The following RALYL variants were observed in gnomAD, a reference collection of about 807,000 sequenced individuals.
RALYL encodes the protein RNA-binding Raly-like protein.
In RALYL, 29 loss-of-function variants were observed where a neutral mutation model predicts 35.1. That is an observed-to-expected ratio of 0.83 (90% CI 0.61 to 1.13). RALYL has a LOEUF of 1.13. Ranked by LOEUF, RALYL falls within the 50% of genes most tolerant of loss-of-function variation. The pLI is 0.00. For missense variants in RALYL, 359 were observed against 360.4 expected (o/e 1.00, Z 0.03); for synonymous variants, 120 against 127.6 (o/e 0.94, Z 0.40).
intron 2 of RALYL, among the ~76,000 whole-genome samples, chr8:84,710,532 C>T (rs1211358611): frequency 6.7e-6 from 1 of 149,360 alleles, no homozygotes; most frequent in African/African-American, 2.6e-5. Context: ...GAACTCCTGA[C>T]CTCAGGTGAT....
chr8:84,742,666 GT>G (rs911979123), intron 2 of RALYL, among the ~76,000 whole-genome samples: 2 of 151,968 alleles, frequency 1.3e-5, no homozygotes, highest in Non-Finnish European at 2.9e-5. Flanking sequence ...TGATTTTAAT[GT>G]TTACCAAGCA....
chr8:84,668,922 AG>A (rs1247066715), intron 2 of RALYL, among the ~76,000 whole-genome samples: 2 of 152,104 alleles, frequency 1.3e-5, no homozygotes, highest in African/African-American at 4.8e-5. Flanking sequence ...TTGGCAGGAA[AG>A]CTATTGAGGT....
At chr8:84,211,986 A>C (rs1380735473) in intron 1 of RALYL, among the ~76,000 whole-genome samples, 2 of 152,198 alleles carry the variant, frequency 1.3e-5, no homozygotes, top group Non-Finnish European at 2.9e-5. Context: ...ATTGAGGCAT[A>C]AGGAAGGTAA....
intron 2 of RALYL, among the ~76,000 whole-genome samples, chr8:84,701,558 C>T (rs775205695): frequency 1.4e-4 from 21 of 152,076 alleles, no homozygotes; most frequent in Non-Finnish European, 2.1e-4. Context: ...GTCAATACTC[C>T]GAGTGAGCTA....
At chr8:84,678,867 G>A (rs1446373592) in intron 2 of RALYL, 1 of 182,128 alleles carries the variant, frequency 5.5e-6, no homozygotes, top group East Asian at 1.6e-4. Flanking sequence ...ACACTTTTGA[G>A]CTCTGAATGA....
rs143170112 is a variant in RALYL, at chr8:84,554,534, G to A, written c.256+24957G>A. Among the ~76,000 whole-genome samples the A allele has an allele frequency of 4.3e-4, 66 of 152,244 alleles. No homozygotes were observed. In the East Asian group the frequency reaches 6.0e-3, roughly 14 times the overall value. On this transcript the variant is annotated intron_variant, in intron 2 of 8. Coordinates refer to ENST00000521268, the MANE Select transcript of RALYL (RefSeq NM_173848.7). The stretch of plus-strand genomic sequence containing the variant: ...CCAAGTTATATTTGAATCACTGTAT[G>A]TTCATCACCAAATGTCAAAGAGATG...
intron 1 of RALYL, among the ~76,000 whole-genome samples, chr8:84,292,756 A>G (rs1839005564): frequency 1.3e-5 from 2 of 152,194 alleles, no homozygotes; most frequent in African/African-American, 4.8e-5. Flanking sequence ...GGAGACATGA[A>G]TAATCCTCCC....
At chr8:84,643,035 G>C (rs746760748) in intron 2 of RALYL, among the ~76,000 whole-genome samples, 3 of 151,908 alleles carry the variant, frequency 2.0e-5, no homozygotes, top group Non-Finnish European at 4.4e-5. Flanking sequence ...AGATAATCTG[G>C]AGAATGAAGT....
intron 1 of RALYL, among the ~76,000 whole-genome samples, chr8:84,329,812 A>G (rs1246891373): frequency 1.3e-5 from 2 of 152,108 alleles, no homozygotes; most frequent in South Asian, 4.1e-4. Context: ...CAGCCATACT[A>G]TAGAACTATT....
intron 2 of RALYL, among the ~76,000 whole-genome samples, chr8:84,543,167 G>A (rs1463682432): frequency 6.6e-6 from 1 of 151,730 alleles, no homozygotes; most frequent in Admixed American, 6.6e-5. Flanking sequence ...ATTTATTCCT[G>A]GTGACTGTGA....
chr8:84,572,641 T>G (rs989395162), intron 2 of RALYL, among the ~76,000 whole-genome samples: 16 of 151,996 alleles, frequency 1.1e-4, no homozygotes, highest in Middle Eastern at 3.4e-3. Flanking sequence ...AATAGAATCC[T>G]CTGTTCTGAT....
At chr8:84,455,522 A>G (rs1040356597) in intron 1 of RALYL, among the ~76,000 whole-genome samples, 1 of 152,052 alleles carries the variant, frequency 6.6e-6, no homozygotes, top group Non-Finnish European at 1.5e-5. Flanking sequence ...TTTGTAGAGA[A>G]AATATAGTTT....
intron 4 of RALYL, among the ~76,000 whole-genome samples, chr8:84,844,993 A>G (rs937941219): frequency 6.6e-6 from 1 of 152,134 alleles, no homozygotes; most frequent in Non-Finnish European, 1.5e-5. Flanking sequence ...GGGGAGGGAT[A>G]CCATTAGGAG....
At chr8:84,215,306 G>A (rs1820532015) in intron 1 of RALYL, among the ~76,000 whole-genome samples, 1 of 151,912 alleles carries the variant, frequency 6.6e-6, no homozygotes, top group Non-Finnish European at 1.5e-5. Context: ...GCAAAAATTG[G>A]CATTATGATT....
rs990097725 is a variant in RALYL at position 84,515,984 on chromosome 8, T to A, written c.-23-13315T>A. ...AATGATAAAAAGAATATATTCCAGA[T>A]GCTATTTGCCTGGTTTGTGGTGGTC... On this transcript the variant is annotated intron_variant, in intron 1 of 8. Coordinates refer to ENST00000521268, the MANE Select transcript of RALYL (RefSeq NM_173848.7). 3.6e-5 allele frequency among the ~76,000 whole-genome samples: 5 copies of A among 137,924 alleles called. No homozygotes were observed. The Admixed American group carries it at 4.1e-4, about 11-fold the overall frequency. 90.5% of individuals were successfully genotyped at this position (137,924 alleles called of 152,430 possible).
At chr8:84,268,856 A>G (rs1336163103) in intron 1 of RALYL, among the ~76,000 whole-genome samples, 2 of 152,218 alleles carry the variant, frequency 1.3e-5, no homozygotes, top group Non-Finnish European at 2.9e-5. Flanking sequence ...AAGTTCCCAT[A>G]AGGCAAGGGA....
chr8:84,760,880 T>C (rs920484888), intron 2 of RALYL, among the ~76,000 whole-genome samples: 4 of 152,068 alleles, frequency 2.6e-5, no homozygotes, highest in African/African-American at 9.6e-5. Context: ...AATTAGATAG[T>C]TATCTTCTGT....
intron 2 of RALYL, among the ~76,000 whole-genome samples, chr8:84,564,312 A>G (rs1226060031): frequency 1.3e-5 from 2 of 151,696 alleles, no homozygotes; most frequent in Non-Finnish European, 3.0e-5. Context: ...CTGTAGAAAC[A>G]CCCATATTAA....
chr8:84,397,914 CTA>C (rs1001994375), intron 1 of RALYL, among the ~76,000 whole-genome samples: 14 of 152,266 alleles, frequency 9.2e-5, no homozygotes, highest in African/African-American at 3.4e-4. Context: ...TTTTGAAACT[CTA>C]GAGTTCATTA....
Sources: gnomAD v4.1 joint callset for allele counts (sites outside exome capture counted in the v4.1 genomes callset) on GRCh38, gnomAD v4.1.1 for gene constraint, MANE v1.5 for transcripts, NCBI Gene and HGNC (gene_info 2026-07-23, HGNC 2026-07-21) for gene names.